The following CTBP2 variants were observed in gnomAD, a reference collection of about 807,000 sequenced individuals.
CTBP2 encodes C-terminal binding protein 2, also known as C-terminal-binding protein 2.
Under a neutral mutation model 80.3 loss-of-function variants are expected in CTBP2, and 30 were observed. That is an observed-to-expected ratio of 0.37 (90% CI 0.28 to 0.51). The LOEUF is 0.51. CTBP2 is among the 20% of genes least tolerant of loss of function. The probability of loss-of-function intolerance (pLI) is 0.93; values close to 1 mark genes in which losing one functional copy is unlikely to be tolerated. For synonymous variants in CTBP2, 594 were observed against 587.4 expected (o/e 1.01, Z -0.16); for missense variants, 1,212 against 1,375.3 (o/e 0.88, Z 1.88).
At chr10:125,014,274 C>T (rs3781428) in intron 1 of CTBP2, among the ~76,000 whole-genome samples, 29,344 of 152,142 alleles carry the variant, frequency 0.19, 3,515 homozygotes, top group Middle Eastern at 0.27. Flanking sequence ...CTAACCTGGA[C>T]GACACAGTGA....
At chr10:125,104,748 C>T (rs1029137355) in intron 2 of CTBP2, among the ~76,000 whole-genome samples, 1 of 152,190 alleles carries the variant, frequency 6.6e-6, no homozygotes, top group Non-Finnish European at 1.5e-5. Flanking sequence ...AGCATTCAGT[C>T]GACCAAGAAG....
At chr10:125,090,232 G>A (rs1480709490) in intron 2 of CTBP2, among the ~76,000 whole-genome samples, 1 of 142,302 alleles carries the variant, frequency 7.0e-6, no homozygotes, top group Non-Finnish European at 1.5e-5. Context: ...AGGCTGCGGT[G>A]AGCCGAGATC....
At position 125,027,051 on chromosome 10, in the gene CTBP2, T is replaced by A. The variant is rs767839739; in HGVS notation, c.709A>T (p.Ser237Cys). 1.1e-5 allele frequency: 18 copies of A among 1,613,250 alleles called. No homozygotes were observed. The South Asian group carries it at 1.8e-4, about 16-fold the overall frequency. Residue 237 changes from serine to cysteine, a missense_variant, in exon 1 of 9, where the codon AGT becomes TGT. Around this residue, in one of 3 missense-constraint regions of CTBP2, gnomAD observed 848 missense variants for 782.3 expected, o/e 1.08. Coordinates refer to ENST00000309035, the MANE Select transcript of CTBP2 (RefSeq NM_022802.3). ...CTGCCTTCGGGGGCAGCAGCTGAAC[T>A]GGGGTCCACAACCAGGCACGTCGGG...
chr10:125,069,926 AAG>A (rs1390700492), intron 2 of CTBP2, among the ~76,000 whole-genome samples: 2 of 150,372 alleles, frequency 1.3e-5, no homozygotes, highest in Non-Finnish European at 3.0e-5. Context: ...TGAATATAGA[AAG>A]ATAAAAAGTT....
At chr10:125,049,552 A>T (rs1962214485) in intron 2 of CTBP2, among the ~76,000 whole-genome samples, 1 of 152,094 alleles carries the variant, frequency 6.6e-6, no homozygotes, top group African/African-American at 2.4e-5. Flanking sequence ...TTCACTTTCC[A>T]GGACGAGGTT....
intron 1 of CTBP2, among the ~76,000 whole-genome samples, chr10:125,156,883 C>A (rs1026093718): frequency 3.9e-5 from 6 of 152,208 alleles, no homozygotes; most frequent in African/African-American, 1.4e-4. Flanking sequence ...GGGTAACTGA[C>A]AAACTAGTTA....
chr10:125,150,046 C>T (rs2133385506), intron 1 of CTBP2, among the ~76,000 whole-genome samples: 1 of 152,362 alleles, frequency 6.6e-6, no homozygotes. Context: ...AACAGACTAT[C>T]ACAGTTAGGA....
Position 125,006,123 on chromosome 10 carries a change from G to A in CTBP2, c.1679-2631C>T, listed in dbSNP as rs963946944. 26 of 728,768 alleles carry A rather than the reference G, an allele frequency of 3.6e-5. No individual in the cohort carries two copies. In the African/African-American group the frequency reaches 4.6e-4, roughly 13 times the overall value. The allele number at this position is 728,768 out of a possible 1,614,324, so 45.1% of individuals were successfully genotyped here. A position where few individuals can be genotyped will look rare whatever the true frequency, so the allele number is the denominator to read the frequency against. On this transcript the variant is annotated intron_variant, in intron 1 of 8. Transcript: ENST00000309035. ...CCGACACGGGTTGCCTTTCTCCTTG[G>A]TGAAACCCACCCTCTACCCTCCCTG...
At chr10:125,019,164 GT>G (rs201077905) in intron 1 of CTBP2, among the ~76,000 whole-genome samples, 1 of 152,112 alleles carries the variant, frequency 6.6e-6, no homozygotes, top group Non-Finnish European at 1.5e-5. Flanking sequence ...ACGAAGGCTA[GT>G]TTTTTTATCC....
At chr10:125,053,490 C>T (rs1175815633) in intron 2 of CTBP2, among the ~76,000 whole-genome samples, 1 of 152,180 alleles carries the variant, frequency 6.6e-6, no homozygotes, top group African/African-American at 2.4e-5. Context: ...CCCAGAGGTT[C>T]TCCCAGGGAG....
At chr10:125,127,901 CCCTATTACGGCAT>C (rs1855531129) in intron 1 of CTBP2, among the ~76,000 whole-genome samples, 1 of 152,206 alleles carries the variant, frequency 6.6e-6, no homozygotes, top group Non-Finnish European at 1.5e-5. Context: ...CAATCTCAAC[CCCTATTACGGCAT>C]CCTATTTTTT....
At chr10:125,087,670 T>C (rs1184278280) in intron 2 of CTBP2, among the ~76,000 whole-genome samples, 1 of 152,148 alleles carries the variant, frequency 6.6e-6, no homozygotes, top group Non-Finnish European at 1.5e-5. Flanking sequence ...CATCTAGGAG[T>C]GTGCTGAATA....
intron 1 of CTBP2, among the ~76,000 whole-genome samples, chr10:125,127,732 T>C (rs1855505672): frequency 6.6e-6 from 1 of 152,184 alleles, no homozygotes; most frequent in South Asian, 2.1e-4. Flanking sequence ...CACTATGCCC[T>C]ATACGCACCT....
chr10:125,015,350 G>C (rs945376811), intron 1 of CTBP2, among the ~76,000 whole-genome samples: 11 of 152,380 alleles, frequency 7.2e-5, no homozygotes, highest in Admixed American at 5.2e-4. Flanking sequence ...GGCCCAGATG[G>C]AAAAGAAGCA....
At chr10:125,101,139 G>C (rs2135811564) in intron 2 of CTBP2, among the ~76,000 whole-genome samples, 1 of 152,278 alleles carries the variant, frequency 6.6e-6, no homozygotes, top group South Asian at 2.1e-4. Context: ...CATTAACATT[G>C]GTTGTTACAA....
intron 1 of CTBP2, chr10:125,158,514 T>C (rs946196012): frequency 1.3e-5 from 2 of 152,214 alleles, no homozygotes; most frequent in African/African-American, 2.4e-5. Flanking sequence ...CCAATGCATA[T>C]TTATAGAATA....
intron 1 of CTBP2, among the ~76,000 whole-genome samples, chr10:125,145,352 C>T (rs906495709): frequency 6.6e-6 from 1 of 151,932 alleles, no homozygotes; most frequent in Non-Finnish European, 1.5e-5. Flanking sequence ...GCCTTGGGGA[C>T]GCCCCTGCTC....
intron 2 of CTBP2, among the ~76,000 whole-genome samples, chr10:125,052,898 C>A (rs186819150): frequency 5.6e-4 from 85 of 152,310 alleles, no homozygotes; most frequent in South Asian, 1.4e-3. Flanking sequence ...CTCCACACTT[C>A]CCAAGTTCAT....
rs1859529943 is a variant in CTBP2 at position 125,149,967 on chromosome 10, G to A, written c.-206+10352C>T. ...CTAAGGCCCACACCACACGGATGCA[G>A]GGGAGCGACCCAAAGGAAGTTCACC... On this transcript the variant is annotated intron_variant, in intron 1 of 10. Coordinates refer to the CTBP2 transcript ENST00000337195. 2.0e-5 allele frequency among the ~76,000 whole-genome samples: 3 copies of A among 152,358 alleles called. No homozygotes were observed. The South Asian group carries it at 6.2e-4, about 32-fold the overall frequency.
Sources: gnomAD v4.1 joint callset for allele counts (sites outside exome capture counted in the v4.1 genomes callset) on GRCh38, gnomAD v4.1.1 for gene constraint, gnomAD v4.1.1 regional missense constraint, MANE v1.5 for transcripts, NCBI Gene and HGNC (gene_info 2026-07-23, HGNC 2026-07-21) for gene names.